Variants in EPB41L3 observed in about 807,000 individuals in gnomAD.
The protein encoded by EPB41L3 is band 4.1-like protein 3.
Under a neutral mutation model 127.1 loss-of-function variants are expected in EPB41L3, and 57 were observed. The observed-to-expected ratio is 0.45, with a 90% CI of 0.36 to 0.56. EPB41L3 has a LOEUF of 0.56. Among genes scored for constraint, EPB41L3 ranks in the 20% least tolerant of loss-of-function variants. EPB41L3 has a pLI of 0.00. For synonymous variants in EPB41L3, 572 were observed against 549.5 expected (o/e 1.04, Z -0.57); for missense variants, 1,273 against 1,372.2 (o/e 0.93, Z 1.14).
At chr18:5,588,239 G>T (rs1213250604) in intron 3 of EPB41L3, among the ~76,000 whole-genome samples, 1 of 152,012 alleles carries the variant, frequency 6.6e-6, no homozygotes, top group Admixed American at 6.6e-5. Flanking sequence ...CCTGGGACTT[G>T]GGAATTCCAA....
intron 3 of EPB41L3, among the ~76,000 whole-genome samples, chr18:5,568,684 AT>A (rs2094239976): frequency 1.3e-5 from 2 of 152,212 alleles, no homozygotes; most frequent in African/African-American, 4.8e-5. Flanking sequence ...CTAGCAATAG[AT>A]ATTCAAAACA....
intron 3 of EPB41L3, among the ~76,000 whole-genome samples, chr18:5,551,251 A>G (rs2093959372): frequency 1.3e-5 from 2 of 152,180 alleles, no homozygotes; most frequent in African/African-American, 4.8e-5. Context: ...AGCTTGATGA[A>G]CAGAGCACCA....
intron 1 of EPB41L3, among the ~76,000 whole-genome samples, chr18:5,513,559 G>A (rs1221012809): frequency 6.6e-6 from 1 of 152,156 alleles, no homozygotes; most frequent in Non-Finnish European, 1.5e-5. Context: ...TAGAGGGTAA[G>A]AGTCTATCTC....
At chr18:5,469,330 A>G (rs557022315) in intron 3 of EPB41L3, among the ~76,000 whole-genome samples, 2 of 152,290 alleles carry the variant, frequency 1.3e-5, no homozygotes, top group East Asian at 3.9e-4. Context: ...CCCCTTGTCC[A>G]GACATGGGTA....
At chr18:5,439,634 T>C (rs1414359861) in intron 5 of EPB41L3, among the ~76,000 whole-genome samples, 2 of 152,232 alleles carry the variant, frequency 1.3e-5, no homozygotes, top group Non-Finnish European at 2.9e-5. Flanking sequence ...ATATCATTTT[T>C]AAACCATTCA....
In EPB41L3 at chr18:5,392,581, A is replaced by G. The variant is rs2072593868; in HGVS notation, c.*904T>C. ...GAACTAGAATGTAAATATGGACCAG[A>G]TTTGAAAATAAAACACTTTCTTTTC... On this transcript the variant is annotated 3_prime_UTR_variant, in exon 23 of 23. Transcript: ENST00000341928. 1 of 152,656 alleles carries G rather than the reference A, an allele frequency of 6.6e-6. No homozygotes were observed. Among genetic ancestry groups the G allele is most frequent in the Non-Finnish European group, 1.5e-5 (1 of 68,048 alleles). 9.5% of individuals were successfully genotyped at this position (152,656 alleles called of 1,614,324 possible).
chr18:5,565,003 T>C (rs2094179751), intron 3 of EPB41L3, among the ~76,000 whole-genome samples: 1 of 152,212 alleles, frequency 6.6e-6, no homozygotes, highest in Admixed American at 6.5e-5. Context: ...AAAATATTTA[T>C]TATTTACAAT....
upstream of EPB41L3, among the ~76,000 whole-genome samples, chr18:5,549,123 G>C (rs974513298): frequency 6.6e-6 from 1 of 152,230 alleles, no homozygotes; most frequent in African/African-American, 2.4e-5. Context: ...TTAGGAAAAT[G>C]TGTGATGGTT....
intron 1 of EPB41L3, among the ~76,000 whole-genome samples, chr18:5,540,872 CAGG>C (rs1430306803): frequency 3.3e-5 from 5 of 152,030 alleles, no homozygotes; most frequent in Non-Finnish European, 5.9e-5. Context: ...ATCACGAGGT[CAGG>C]AGATCGAGAC....
intron 3 of EPB41L3, chr18:5,577,405 A>G (rs1489386024): frequency 2.9e-5 from 13 of 444,366 alleles, no homozygotes; most frequent in Non-Finnish European, 5.4e-5. Context: ...AGCAATTTCA[A>G]AGTTACTGTA....
At chr18:5,489,327 CCA>C in intron 1 of EPB41L3, 133 bp from the exon 2 acceptor site, 2 of 1,011,922 alleles carry the variant, frequency 2.0e-6, no homozygotes, top group Non-Finnish European at 2.8e-6. Context: ...CCATCCTATT[CCA>C]CACACTGGAC....
intron 3 of EPB41L3, among the ~76,000 whole-genome samples, chr18:5,601,206 T>C (rs942871563): frequency 6.6e-6 from 1 of 152,082 alleles, no homozygotes; most frequent in African/African-American, 2.4e-5. Flanking sequence ...GGACCTGCAG[T>C]TAAAAATAGG....
At chr18:5,496,191 G>C (rs1412816564) in intron 1 of EPB41L3, among the ~76,000 whole-genome samples, 4 of 152,212 alleles carry the variant, frequency 2.6e-5, no homozygotes, top group Non-Finnish European at 5.9e-5. Flanking sequence ...TCTTCTATGC[G>C]TGAGCAGAAA....
At chr18:5,544,209 C>G (rs2093836251), upstream of EPB41L3, 15 of 985,442 alleles carry the variant, frequency 1.5e-5, no homozygotes, top group Non-Finnish European at 1.8e-5. Flanking sequence ...CAGCCTCCTC[C>G]GTCCTGGCGC....
chr18:5,398,505 A>C (rs1468831064), intron 16 of EPB41L3: 3 of 399,912 alleles, frequency 7.5e-6, no homozygotes, highest in Admixed American at 4.3e-5. Context: ...TTTAACCATG[A>C]AAAAAAATTA....
chr18:5,598,266 T>C (rs543083480), intron 3 of EPB41L3, among the ~76,000 whole-genome samples: 3 of 152,182 alleles, frequency 2.0e-5, no homozygotes, highest in Non-Finnish European at 2.9e-5. Flanking sequence ...TACAAAACAG[T>C]GTATCGTAAC....
At chr18:5,597,161 C>A (rs886568041) in intron 3 of EPB41L3, among the ~76,000 whole-genome samples, 1 of 152,172 alleles carries the variant, frequency 6.6e-6, no homozygotes, top group Non-Finnish European at 1.5e-5. Flanking sequence ...CTTCAATCTA[C>A]CATTTGTTCC....
upstream of EPB41L3, chr18:5,630,239 G>A: frequency 2.6e-6 from 1 of 385,976 alleles, no homozygotes; most frequent in Non-Finnish European, 5.0e-6. Flanking sequence ...CCCCGGTCGG[G>A]CCAGCCTCGC....
At chr18:5,487,597 T>G (rs2089981595) in intron 2 of EPB41L3, among the ~76,000 whole-genome samples, 1 of 151,042 alleles carries the variant, frequency 6.6e-6, no homozygotes, top group African/African-American at 2.4e-5. Flanking sequence ...GTTCAAGTGA[T>G]TCTCGTGCCT....
Sources: allele counts gnomAD v4.1 joint callset (sites outside exome capture counted in the v4.1 genomes callset), GRCh38; gene constraint gnomAD v4.1.1; transcripts MANE v1.5; gene names NCBI Gene and HGNC (gene_info 2026-07-23, HGNC 2026-07-21).